Variants in FGF14 observed in about 807,000 individuals in gnomAD.
The protein encoded by FGF14 is fibroblast growth factor homologous factor 4.
A neutral mutation model predicts 25.5 loss-of-function variants in FGF14; 5 were observed. That is an observed-to-expected ratio of 0.20 (90% confidence interval 0.10 to 0.41). The LOEUF (loss-of-function observed/expected upper bound fraction) is 0.41. Ranked by LOEUF, FGF14 falls within the 10% of genes least tolerant of loss-of-function variation. The probability of loss-of-function intolerance (pLI) is 1.00; values close to 1 mark genes in which losing one functional copy is unlikely to be tolerated. For synonymous variants in FGF14, 138 were observed against 118.3 expected (o/e 1.17, Z -1.08); for missense variants, 222 against 320.1 (o/e 0.69, Z 2.34).
At chr13:101,961,137 G>A (rs150683279) in intron 1 of FGF14, among the ~76,000 whole-genome samples, 2 of 152,254 alleles carry the variant, frequency 1.3e-5, no homozygotes, top group African/African-American at 4.8e-5. Context: ...TCTGTAGGTT[G>A]TATATTCACT....
intron 1 of FGF14, among the ~76,000 whole-genome samples, chr13:102,081,123 A>T (rs2043598317): frequency 6.6e-6 from 1 of 152,268 alleles, no homozygotes; most frequent in Non-Finnish European, 1.5e-5. Flanking sequence ...AACAAACCAT[A>T]AAAGATACCT....
At chr13:101,840,485 ATAATT>A (rs542323313) in intron 3 of FGF14, among the ~76,000 whole-genome samples, 115 of 151,830 alleles carry the variant, frequency 7.6e-4, no homozygotes, top group Non-Finnish European at 1.4e-3. Flanking sequence ...TTATTAATAT[ATAATT>A]TATAGAAATT....
At chr13:102,277,775 T>C (rs889845811) in intron 1 of FGF14, among the ~76,000 whole-genome samples, 1 of 152,234 alleles carries the variant, frequency 6.6e-6, no homozygotes, top group Non-Finnish European at 1.5e-5. Flanking sequence ...CATGTTGACA[T>C]CCATTACAGT....
chr13:102,119,353 G>A (rs2045614381), intron 1 of FGF14, among the ~76,000 whole-genome samples: 1 of 152,110 alleles, frequency 6.6e-6, no homozygotes, highest in Non-Finnish European at 1.5e-5. Context: ...GGGTAACTAG[G>A]GAGATTGTTC....
At chr13:102,217,207 T>C (rs2140942809) in intron 1 of FGF14, among the ~76,000 whole-genome samples, 1 of 152,200 alleles carries the variant, frequency 6.6e-6, no homozygotes, top group East Asian at 1.9e-4. Context: ...AATTTAAAAC[T>C]TTATGAGCTA....
intron 1 of FGF14, among the ~76,000 whole-genome samples, chr13:102,135,460 A>C (rs1170161392): frequency 6.6e-6 from 1 of 152,210 alleles, no homozygotes; most frequent in Non-Finnish European, 1.5e-5. Flanking sequence ...AATTACAAAA[A>C]AGCTTTATCT....
intron 1 of FGF14, among the ~76,000 whole-genome samples, chr13:101,944,731 G>C (rs550432327): frequency 1.2e-4 from 18 of 152,282 alleles, no homozygotes; most frequent in African/African-American, 3.4e-4. Context: ...TCTGACTCAT[G>C]CTACAGCATG....
At chr13:102,368,209 C>A (rs1301628410) in intron 1 of FGF14, among the ~76,000 whole-genome samples, 1 of 152,130 alleles carries the variant, frequency 6.6e-6, no homozygotes, top group Non-Finnish European at 1.5e-5. Flanking sequence ...TTTTAATTCA[C>A]GTACATAAAA....
chr13:101,751,051 G>A lies in FGF14; in HGVS notation c.409-24241C>T, dbSNP rs559893788. ...GAGAGGGGGAGGGTGGAGAGAGGGA[G>A]GGATGATGAGTAAGTGAACACACAG... On this transcript the variant is annotated intron_variant, in intron 3 of 4. Coordinates refer to ENST00000376143, the MANE Select transcript of FGF14 (RefSeq NM_004115.4). 2.6e-4 allele frequency among the ~76,000 whole-genome samples: 39 copies of A among 152,170 alleles called. 1 individual carries two copies. The highest frequency in any genetic ancestry group is 9.1e-4 in the African/African-American group (38 of 41,532).
At chr13:102,066,818 C>T (rs79574278) in intron 1 of FGF14, among the ~76,000 whole-genome samples, 6,347 of 152,246 alleles carry the variant, frequency 0.042, 156 homozygotes, top group African/African-American at 0.06. Context: ...AGAGCTCCCC[C>T]CTTTGTACCT....
intron 1 of FGF14, among the ~76,000 whole-genome samples, chr13:102,296,388 C>T (rs1341899581): frequency 6.6e-6 from 1 of 152,124 alleles, no homozygotes; most frequent in Non-Finnish European, 1.5e-5. Context: ...CCCCTCTGCA[C>T]ACCGTATTGG....
chr13:101,765,876 C>T (rs1396129077), intron 3 of FGF14, among the ~76,000 whole-genome samples: 1 of 152,018 alleles, frequency 6.6e-6, no homozygotes, highest in Admixed American at 6.6e-5. Flanking sequence ...TTACAGGCAC[C>T]TGCCACCATA....
chr13:101,781,203 T>C (rs529461430), intron 3 of FGF14, among the ~76,000 whole-genome samples: 25 of 152,312 alleles, frequency 1.6e-4, no homozygotes, highest in South Asian at 2.1e-4. Flanking sequence ...ACATCTGAAA[T>C]AGAGCCTTCC....
At chr13:101,828,776 A>C (rs2042530041) in intron 3 of FGF14, among the ~76,000 whole-genome samples, 1 of 152,098 alleles carries the variant, frequency 6.6e-6, no homozygotes, top group African/African-American at 2.4e-5. Flanking sequence ...CTCTTGCTTT[A>C]AAAAAGAAGG....
intron 1 of FGF14, among the ~76,000 whole-genome samples, chr13:102,153,355 T>C (rs1438227025): frequency 6.6e-6 from 1 of 152,244 alleles, no homozygotes; most frequent in African/African-American, 2.4e-5. Flanking sequence ...ACAGCATGTA[T>C]AGAAATAGAA....
At chr13:102,193,411 A>G (rs574906848) in intron 1 of FGF14, among the ~76,000 whole-genome samples, 1 of 152,296 alleles carries the variant, frequency 6.6e-6, no homozygotes, top group African/African-American at 2.4e-5. Context: ...GGACTTTGAA[A>G]AGCTCCAACA....
At chr13:102,019,384 A>G (rs891204791) in intron 1 of FGF14, among the ~76,000 whole-genome samples, 1 of 152,038 alleles carries the variant, frequency 6.6e-6, no homozygotes, top group Non-Finnish European at 1.5e-5. Context: ...GCCTCCCTCT[A>G]CTAGTGAAGA....
At chr13:102,038,105 T>G (rs931485067) in intron 1 of FGF14, among the ~76,000 whole-genome samples, 1 of 152,140 alleles carries the variant, frequency 6.6e-6, no homozygotes, top group Non-Finnish European at 1.5e-5. Context: ...CAAAGGAAGA[T>G]TGCATTATTT....
At chr13:102,096,139 A>T (rs2044389524) in intron 1 of FGF14, among the ~76,000 whole-genome samples, 1 of 152,034 alleles carries the variant, frequency 6.6e-6, no homozygotes, top group Non-Finnish European at 1.5e-5. Context: ...GTTAAAATAG[A>T]AATAATGACC....
Sources: gnomAD v4.1 joint callset for allele counts (sites outside exome capture counted in the v4.1 genomes callset) on GRCh38, gnomAD v4.1.1 for gene constraint, MANE v1.5 for transcripts, NCBI Gene and HGNC (gene_info 2026-07-23, HGNC 2026-07-21) for gene names.